Variants in STAU2 observed in about 807,000 individuals in gnomAD.
The protein encoded by STAU2 is staufen double-stranded RNA binding protein 2.
Under a neutral mutation model 65.9 loss-of-function variants are expected in STAU2, and 20 were observed. That is an observed-to-expected ratio of 0.30 (90% CI 0.21 to 0.44). The LOEUF is 0.44. Ranked by LOEUF, STAU2 falls within the 20% of genes least tolerant of loss-of-function variation. STAU2 has a pLI of 1.00. For missense variants in STAU2, 558 were observed against 683.9 expected (o/e 0.82, Z 2.05); for synonymous variants, 232 against 233.9 (o/e 0.99, Z 0.07).
intron 13 of STAU2, among the ~76,000 whole-genome samples, chr8:73,531,371 G>A (rs1236786678): frequency 6.6e-6 from 1 of 152,166 alleles, no homozygotes; most frequent in Non-Finnish European, 1.5e-5. Context: ...GGGGTGACTG[G>A]AGAAATATAA....
chr8:73,483,493 A>G (rs1047270758), intron 13 of STAU2, among the ~76,000 whole-genome samples: 6 of 149,108 alleles, frequency 4.0e-5, no homozygotes, highest in Non-Finnish European at 7.4e-5. Flanking sequence ...TTGAAATCTT[A>G]TATTTCAGTA....
intron 13 of STAU2, among the ~76,000 whole-genome samples, chr8:73,460,965 C>A (rs16938665): frequency 0.073 from 11,051 of 152,072 alleles, 817 homozygotes; most frequent in African/African-American, 0.19. Flanking sequence ...CTGGGGTGTG[C>A]CTGCTCCTCT....
In STAU2 at chr8:73,671,891, G is replaced by A. The variant is rs938651126; in HGVS notation, c.410+1216C>T. Among the ~76,000 whole-genome samples, 3 of 152,030 alleles carry A rather than the reference G, an allele frequency of 2.0e-5. No homozygotes were observed. The South Asian group carries it at 6.2e-4, about 32-fold the overall frequency. ...AATACAAAAATTAGCCAGGCATGGT[G>A]GCAGGTGCCTGTAATCCCAGCTACT... On this transcript the variant is annotated intron_variant, in intron 6 of 14. Transcript: ENST00000524300.
At chr8:73,584,414 C>T (rs1027968639) in intron 11 of STAU2, among the ~76,000 whole-genome samples, 6 of 152,210 alleles carry the variant, frequency 3.9e-5, no homozygotes, top group South Asian at 2.1e-4. Flanking sequence ...GTTGCTAATG[C>T]GCTAAGTGTT....
chr8:73,745,060 C>A (rs953576704), intron 1 of STAU2, among the ~76,000 whole-genome samples: 14 of 152,184 alleles, frequency 9.2e-5, no homozygotes, highest in Admixed American at 2.6e-4. Flanking sequence ...ATCCTACCAA[C>A]TTATCATCAC....
chr8:73,684,524 A>C (rs1818657947), intron 5 of STAU2, among the ~76,000 whole-genome samples: 1 of 152,216 alleles, frequency 6.6e-6, no homozygotes, highest in South Asian at 2.1e-4. Flanking sequence ...TAACATTGGA[A>C]AAACTCTTCT....
At chr8:73,444,753 A>ATG (rs1818376335) in intron 13 of STAU2, among the ~76,000 whole-genome samples, 2 of 152,244 alleles carry the variant, frequency 1.3e-5, no homozygotes, top group South Asian at 2.1e-4. Flanking sequence ...CACAAAGCCC[A>ATG]GCACAGTGAC....
At chr8:73,521,836 A>G (rs750018512) in intron 13 of STAU2, among the ~76,000 whole-genome samples, 5 of 152,222 alleles carry the variant, frequency 3.3e-5, no homozygotes, top group Non-Finnish European at 7.3e-5. Flanking sequence ...TGGGTTGAAG[A>G]GCATTTGTAA....
chr8:73,465,152 C>A (rs1030762762), intron 13 of STAU2, among the ~76,000 whole-genome samples: 1 of 152,200 alleles, frequency 6.6e-6, no homozygotes, highest in African/African-American at 2.4e-5. Flanking sequence ...GAGCCCACCC[C>A]GGCCCACACT....
chr8:73,436,776 G>T (rs1182675466), intron 13 of STAU2, among the ~76,000 whole-genome samples: 1 of 151,756 alleles, frequency 6.6e-6, no homozygotes, highest in South Asian at 2.1e-4. Context: ...CAGTAGAGAC[G>T]GGTTTTCACC....
At chr8:73,659,474 T>C (rs560033685) in intron 6 of STAU2, among the ~76,000 whole-genome samples, 16 of 152,092 alleles carry the variant, frequency 1.1e-4, no homozygotes, top group Admixed American at 1.3e-4. Context: ...GAGGCGGAGG[T>C]TGCAGTGAGC....
intron 1 of STAU2, among the ~76,000 whole-genome samples, chr8:73,742,877 T>C (rs1003598990): frequency 6.6e-6 from 1 of 152,138 alleles, no homozygotes; most frequent in Non-Finnish European, 1.5e-5. Context: ...TCCCCAATAA[T>C]TAAACTGCTT....
intron 6 of STAU2, among the ~76,000 whole-genome samples, chr8:73,620,935 T>C (rs1245553096): frequency 6.6e-6 from 1 of 152,208 alleles, no homozygotes; most frequent in Non-Finnish European, 1.5e-5. Context: ...ACAGGGGAGA[T>C]GATGCAGAAT....
intron 13 of STAU2, among the ~76,000 whole-genome samples, chr8:73,530,445 G>C (rs7819860): frequency 0.37 from 56,244 of 152,018 alleles, 11,474 homozygotes; most frequent in Non-Finnish European, 0.46. Flanking sequence ...AGTACAACAG[G>C]AGGGAATCAT....
intron 9 of STAU2, among the ~76,000 whole-genome samples, chr8:73,606,008 T>TAAAAAGAAAAAG (rs56148752): frequency 8.8e-5 from 13 of 147,846 alleles, no homozygotes; most frequent in East Asian, 6.0e-4. Context: ...TATTCATATG[T>TAAAAAGAAAAAG]AAAAAGAAAA....
chr8:73,570,079 G>A (rs540485442), intron 12 of STAU2, among the ~76,000 whole-genome samples: 102 of 152,208 alleles, frequency 6.7e-4, no homozygotes, highest in African/African-American at 2.2e-3. Context: ...AAAAAGATTC[G>A]ACAAACGGCT....
intron 6 of STAU2, among the ~76,000 whole-genome samples, chr8:73,620,147 C>A (rs552313793): frequency 9.9e-5 from 15 of 152,040 alleles, no homozygotes; most frequent in Non-Finnish European, 2.2e-4. Flanking sequence ...ATATGAATAA[C>A]GCCGGTCATC....
chr8:73,565,071 A>T (rs1808502905), intron 12 of STAU2, among the ~76,000 whole-genome samples: 1 of 152,238 alleles, frequency 6.6e-6, no homozygotes. Flanking sequence ...GAATGACTGA[A>T]TGTATACAAA....
intron 8 of STAU2, among the ~76,000 whole-genome samples, chr8:73,614,487 A>G (rs1812688479): frequency 6.6e-6 from 1 of 152,168 alleles, no homozygotes; most frequent in South Asian, 2.1e-4. Flanking sequence ...AGAAAGGGAT[A>G]TTTATTCTTG....
Sources: allele counts gnomAD v4.1 joint callset (sites outside exome capture counted in the v4.1 genomes callset), GRCh38; gene constraint gnomAD v4.1.1; transcripts MANE v1.5; gene names NCBI Gene and HGNC (gene_info 2026-07-23, HGNC 2026-07-21).